The following TAFA5 variants were observed in gnomAD, a reference collection of about 807,000 sequenced individuals.
TAFA5 encodes the protein TAFA chemokine like family member 5, also known as chemokine-like protein TAFA-5.
A neutral mutation model predicts 15.3 loss-of-function variants in TAFA5; 6 were observed. The observed-to-expected ratio is 0.39, with a 90% confidence interval of 0.21 to 0.77. The LOEUF (loss-of-function observed/expected upper bound fraction) is 0.77, where lower values mean the gene tolerates loss of function less well. Ranked by LOEUF, TAFA5 falls within the 30% of genes least tolerant of loss-of-function variation. The pLI is 0.41. For synonymous variants in TAFA5, 103 were observed against 80.7 expected (o/e 1.28, Z -1.48); for missense variants, 161 against 193.1 (o/e 0.83, Z 0.98).
chr22:48,678,605 G>C (rs991684516), intron 2 of TAFA5, among the ~76,000 whole-genome samples: 6 of 152,314 alleles, frequency 3.9e-5, no homozygotes, highest in African/African-American at 1.4e-4. Context: ...GGCGGGGCCA[G>C]GGCTGCAGGT....
chr22:48,740,429 T>C (rs951691414), intron 3 of TAFA5, among the ~76,000 whole-genome samples: 3 of 152,138 alleles, frequency 2.0e-5, no homozygotes, highest in Non-Finnish European at 4.4e-5. Flanking sequence ...TAGCCTTCAC[T>C]CTCTGGTTGC....
chr22:48,592,481 C>T (rs1435998304), intron 1 of TAFA5, among the ~76,000 whole-genome samples: 4 of 152,366 alleles, frequency 2.6e-5, no homozygotes, highest in South Asian at 4.1e-4. Context: ...CTGTCCTTGC[C>T]TCATGCCCAG....
At chr22:48,549,439 T>G (rs1317336074) in intron 1 of TAFA5, among the ~76,000 whole-genome samples, 2 of 152,252 alleles carry the variant, frequency 1.3e-5, no homozygotes, top group African/African-American at 4.8e-5. Flanking sequence ...TTCTGAACTT[T>G]GGTGCAGCAA....
chr22:48,527,107 G>T (rs1350968904), intron 1 of TAFA5, among the ~76,000 whole-genome samples: 1 of 152,246 alleles, frequency 6.6e-6, no homozygotes, highest in Admixed American at 6.5e-5. Flanking sequence ...CCCACCCAGT[G>T]CCCCGTGGGC....
At chr22:48,689,944 G>A (rs904629184) in intron 2 of TAFA5, among the ~76,000 whole-genome samples, 5 of 152,268 alleles carry the variant, frequency 3.3e-5, no homozygotes, top group South Asian at 2.1e-4. Flanking sequence ...TGAGGGATAC[G>A]GCAAGGGAGC....
intron 1 of TAFA5, among the ~76,000 whole-genome samples, chr22:48,524,273 A>C (rs2147108871): frequency 6.6e-6 from 1 of 152,152 alleles, no homozygotes; most frequent in African/African-American, 2.4e-5. Context: ...GGCTGGTGGG[A>C]GGTTCTGCTG....
chr22:48,684,941 T>G (rs1221663104), intron 2 of TAFA5, among the ~76,000 whole-genome samples: 1 of 152,216 alleles, frequency 6.6e-6, no homozygotes, highest in Non-Finnish European at 1.5e-5. Context: ...AGGTTTATTC[T>G]CCGCCAGTGA....
At chr22:48,694,014 GC>G (rs1393435785) in intron 2 of TAFA5, among the ~76,000 whole-genome samples, 2 of 152,168 alleles carry the variant, frequency 1.3e-5, no homozygotes, top group African/African-American at 4.8e-5. Context: ...TCTTCAGGAA[GC>G]CCGTGGGCCC....
intron 1 of TAFA5, among the ~76,000 whole-genome samples, chr22:48,565,484 T>C (rs768973606): frequency 2.0e-5 from 3 of 152,228 alleles, no homozygotes; most frequent in African/African-American, 7.2e-5. Context: ...GGGCCACCAA[T>C]ACCTAACTCT....
chr22:48,658,241 T>A (rs1601649432), intron 2 of TAFA5, among the ~76,000 whole-genome samples: 1 of 54,992 alleles, frequency 1.8e-5, no homozygotes, highest in African/African-American at 6.4e-5. Context: ...GAGGGCAGGG[T>A]GGGTGGGGGA....
intron 1 of TAFA5, among the ~76,000 whole-genome samples, chr22:48,614,553 C>T (rs1307516988): frequency 6.6e-6 from 1 of 152,148 alleles, no homozygotes; most frequent in Admixed American, 6.5e-5. Context: ...AAGTGCCCTC[C>T]CCCAGGGCTC....
At chr22:48,631,634 C>T (rs5771622) in intron 1 of TAFA5, among the ~76,000 whole-genome samples, 23,743 of 152,242 alleles carry the variant, frequency 0.16, 2,420 homozygotes, top group East Asian at 0.4. Flanking sequence ...CCCGTGTTAA[C>T]TGCAGAAGAA....
intron 1 of TAFA5, among the ~76,000 whole-genome samples, chr22:48,629,436 C>T (rs1223016003): frequency 6.6e-6 from 1 of 152,238 alleles, no homozygotes; most frequent in African/African-American, 2.4e-5. Flanking sequence ...TCCGGATGCC[C>T]CACAGTCCAC....
intron 1 of TAFA5, among the ~76,000 whole-genome samples, chr22:48,515,004 T>C (rs1260098765): frequency 6.6e-6 from 1 of 152,222 alleles, no homozygotes; most frequent in African/African-American, 2.4e-5. Context: ...CTGAACCTCA[T>C]TTAGGAATCG....
At chr22:48,700,291 G>A (rs1363728224) in intron 2 of TAFA5, among the ~76,000 whole-genome samples, 2 of 152,182 alleles carry the variant, frequency 1.3e-5, no homozygotes, top group Non-Finnish European at 2.9e-5. Flanking sequence ...CAGGGCAGGG[G>A]TGCAAGGAAA....
At chr22:48,636,283 G>T (rs545072133) in intron 1 of TAFA5, among the ~76,000 whole-genome samples, 1 of 152,346 alleles carries the variant, frequency 6.6e-6, no homozygotes, top group Admixed American at 6.5e-5. Context: ...TGGCTGTTCC[G>T]TGGGGGAACC....
At chr22:48,551,640 T>C (rs1922858846) in intron 1 of TAFA5, among the ~76,000 whole-genome samples, 1 of 152,136 alleles carries the variant, frequency 6.6e-6, no homozygotes. Flanking sequence ...CCTGTGACGA[T>C]GTGCATGGGG....
In TAFA5 at chr22:48,490,257, C is replaced by T. The variant is rs1928099404; in HGVS notation, c.112+553C>T. Among the ~76,000 whole-genome samples the T allele has an allele frequency of 6.6e-6, 1 of 152,046 alleles. No individual in the cohort carries two copies. Among genetic ancestry groups the T allele is most frequent in the South Asian group, 2.1e-4 (1 of 4,826 alleles). ...GTCAGGCGCCTTCTGGAAAGAGAAG[C>T]GAAGTGAGGGATGGGATGCCCGGAG... is the stretch of plus-strand genomic sequence containing the variant. On this transcript the variant is annotated intron_variant, in intron 1 of 3. Transcript: ENST00000402357. The surrounding 1 kb of genome is among the most constrained non-coding windows in gnomAD (Gnocchi z 5.8).
chr22:48,692,291 C>T (rs1175540797), intron 2 of TAFA5, among the ~76,000 whole-genome samples: 1 of 152,172 alleles, frequency 6.6e-6, no homozygotes, highest in Non-Finnish European at 1.5e-5. Context: ...GTCAGGGGTC[C>T]GCTGCAGCCC....
Sources: allele counts gnomAD v4.1 joint callset (sites outside exome capture counted in the v4.1 genomes callset), GRCh38; gene constraint gnomAD v4.1.1; non-coding constraint Gnocchi (gnomAD v3.1); transcripts MANE v1.5; gene names NCBI Gene and HGNC (gene_info 2026-07-23, HGNC 2026-07-21).